The following NACC2 variants were observed in gnomAD, a reference collection of about 807,000 sequenced individuals.
NACC2 encodes nucleus accumbens-associated protein 2.
NACC2 carries 8 observed loss-of-function variants against 25.1 expected under a neutral mutation model. That is an observed-to-expected ratio of 0.32 (90% CI 0.19 to 0.57). The LOEUF (loss-of-function observed/expected upper bound fraction) is 0.57, where lower values mean the gene tolerates loss of function less well. Ranked by LOEUF, NACC2 falls within the 20% of genes least tolerant of loss-of-function variation. The pLI is 0.89. For synonymous variants in NACC2, 435 were observed against 294.7 expected (o/e 1.48, Z -4.88); for missense variants, 644 against 650.2 (o/e 0.99, Z 0.10).
Position 136,086,257 on chromosome 9 carries a change from G to A in NACC2, c.-60+8932C>T, listed in dbSNP as rs1005115819. On this transcript the variant is annotated intron_variant, in intron 1 of 5. Coordinates refer to ENST00000277554, the MANE Select transcript of NACC2 (RefSeq NM_144653.5). This position sits in a 1 kb window ranked among gnomAD's most constrained non-coding sequence, Gnocchi z 5.6. ...CTTCCTGTGAGAGAACCCTCACACC[G>A]TGCAGCTGGGGACAGGACGAAGGGC... Among the ~76,000 whole-genome samples the A allele has an allele frequency of 2.0e-5, 3 of 152,208 alleles. No individual in the cohort carries two copies. The highest frequency in any genetic ancestry group is 4.1e-4 in the South Asian group (2 of 4,826).
At chr9:136,069,838 G>T (rs888616842) in intron 1 of NACC2, among the ~76,000 whole-genome samples, 11 of 151,628 alleles carry the variant, frequency 7.3e-5, no homozygotes, top group Admixed American at 2.0e-4. Context: ...CAAACCAATA[G>T]AACTAAAGAC....
At chr9:136,040,527 CAT>C (rs1288997958) in intron 2 of NACC2, among the ~76,000 whole-genome samples, 4 of 152,100 alleles carry the variant, frequency 2.6e-5, no homozygotes, top group African/African-American at 9.7e-5. Flanking sequence ...ATGCAAAACA[CAT>C]GTCTGTAAAG....
In NACC2 at chr9:136,031,800, C is replaced by G. The variant is rs147574080; in HGVS notation, c.887-15371G>C. 8.2e-3 allele frequency among the ~76,000 whole-genome samples: 1,251 copies of G among 152,330 alleles called. 19 individuals carry two copies. The highest frequency in any genetic ancestry group is 0.029 in the African/African-American group (1,204 of 41,566). On this transcript the variant is annotated intron_variant, in intron 2 of 5. Coordinates refer to ENST00000277554, the MANE Select transcript of NACC2 (RefSeq NM_144653.5). ...AAGAAATGTATGATCTCATCCCATA[C>G]AGCTAGTGGCCACTCATGGAACCGA...
At chr9:136,037,790 T>C (rs915029870) in intron 2 of NACC2, among the ~76,000 whole-genome samples, 4 of 152,118 alleles carry the variant, frequency 2.6e-5, no homozygotes, top group Admixed American at 2.6e-4. Context: ...ATTACAGGCA[T>C]GAACTACTGT....
chr9:136,042,911 CACAGAGACAA>C (rs1840663883), intron 2 of NACC2, among the ~76,000 whole-genome samples: 1 of 149,892 alleles, frequency 6.7e-6, no homozygotes, highest in Non-Finnish European at 1.5e-5. Flanking sequence ...CACACAGAGA[CACAGAGACAA>C]ACAGACACAC....
At position 136,007,692 on chromosome 9, in the gene NACC2, T is replaced by C. The variant is rs1840045478; in HGVS notation, c.*3824A>G. 1 of 152,284 alleles carries C rather than the reference T, an allele frequency of 6.6e-6. No individual in the cohort carries two copies. The highest frequency in any genetic ancestry group is 2.4e-5 in the African/African-American group (1 of 41,468). The allele number at this position is 152,284 out of a possible 1,614,324, so 9.4% of individuals were successfully genotyped here. On this transcript the variant is annotated 3_prime_UTR_variant, in exon 6 of 6. Transcript: ENST00000277554. ...GAGCTCTGGATTCTGCGCTTAGGAC[T>C]CGCTGCTGGCAGAGGCAGACAGAGG...
intron 1 of NACC2, among the ~76,000 whole-genome samples, chr9:136,089,866 A>C (rs948045856): frequency 9.9e-5 from 15 of 151,994 alleles, no homozygotes; most frequent in African/African-American, 3.6e-4. Context: ...AAGTTAATGG[A>C]CATGACACAG....
chr9:136,053,481 G>C (rs1401401683), intron 1 of NACC2, among the ~76,000 whole-genome samples: 1 of 152,170 alleles, frequency 6.6e-6, no homozygotes, highest in South Asian at 2.1e-4. Flanking sequence ...AGGAGACACA[G>C]GGCCCAGCTG....
chr9:136,029,352 C>T (rs1435848726), intron 2 of NACC2, among the ~76,000 whole-genome samples: 1 of 152,202 alleles, frequency 6.6e-6, no homozygotes, highest in African/African-American at 2.4e-5. Context: ...GCTACCCACT[C>T]CAGGGTCTCC....
chr9:136,070,234 G>A (rs539935701), intron 1 of NACC2, among the ~76,000 whole-genome samples: 2 of 152,024 alleles, frequency 1.3e-5, no homozygotes, highest in Non-Finnish European at 1.5e-5. Context: ...CGGGCCGGGC[G>A]TGGTGGCTCA....
intron 2 of NACC2, among the ~76,000 whole-genome samples, chr9:136,038,679 A>C (rs1395180888): frequency 6.6e-6 from 1 of 152,226 alleles, no homozygotes; most frequent in East Asian, 1.9e-4. Flanking sequence ...CATATGCTAT[A>C]AGCCTGATGT....
At chr9:136,067,784 G>A (rs548081095) in intron 1 of NACC2, among the ~76,000 whole-genome samples, 14 of 152,338 alleles carry the variant, frequency 9.2e-5, no homozygotes, top group African/African-American at 2.4e-4. Context: ...GCGGTGAGCC[G>A]AGATCGCGGC....
chr9:136,019,027 G>GGT lies in NACC2; in HGVS notation c.887-2599_887-2598insAC, dbSNP rs1840245492. On this transcript the variant is annotated intron_variant, in intron 2 of 5. Coordinates refer to ENST00000277554, the MANE Select transcript of NACC2 (RefSeq NM_144653.5). This position sits in a 1 kb window ranked among gnomAD's most constrained non-coding sequence, Gnocchi z 5.2. Reference sequence around the variant, plus strand: ...AGCCAGAGACTGTCAGCACCAGAGCGGCCAAAAAAGCCTCTTCTATTTCTG... The same window carrying GGT: ...AGCCAGAGACTGTCAGCACCAGAGCGGTGCCAAAAAAGCCTCTTCTATTTCTG... The GGT allele has an allele frequency of 6.6e-6, 1 of 151,748 alleles. No individual in the cohort carries two copies. The highest frequency in any genetic ancestry group is 1.5e-5 in the Non-Finnish European group (1 of 67,950). 9.4% of individuals were successfully genotyped at this position (151,748 alleles called of 1,614,324 possible).
chr9:136,028,598 C>T (rs918794897), intron 2 of NACC2, among the ~76,000 whole-genome samples: 7 of 152,126 alleles, frequency 4.6e-5, no homozygotes, highest in East Asian at 1.9e-4. Context: ...CAGGGCTGCA[C>T]GCTCCATGGA....
chr9:136,054,542 G>A (rs898745214), intron 1 of NACC2, among the ~76,000 whole-genome samples: 1 of 152,166 alleles, frequency 6.6e-6, no homozygotes, highest in Admixed American at 6.5e-5. Flanking sequence ...ACACACGGGG[G>A]CTGACCCTCC....
intron 2 of NACC2, among the ~76,000 whole-genome samples, chr9:136,021,755 G>A (rs747240805): frequency 3.3e-5 from 5 of 152,192 alleles, no homozygotes; most frequent in Non-Finnish European, 5.9e-5. Flanking sequence ...TCCACATGAC[G>A]TGTTACCGCT....
intron 1 of NACC2, among the ~76,000 whole-genome samples, chr9:136,092,707 G>A (rs1830445426): frequency 6.6e-6 from 1 of 152,234 alleles, no homozygotes; most frequent in African/African-American, 2.4e-5. Flanking sequence ...GCAGAGTCAG[G>A]GGGCCCCATA....
chr9:136,010,518 C>T lies in NACC2; in HGVS notation c.*998G>A, dbSNP rs956541802. 1 of 152,228 alleles carries T rather than the reference C, an allele frequency of 6.6e-6. No individual in the cohort carries two copies. The highest frequency in any genetic ancestry group is 2.4e-5 in the African/African-American group (1 of 41,430). 9.4% of individuals were successfully genotyped at this position (152,228 alleles called of 1,614,324 possible). The stretch of plus-strand genomic sequence containing the variant: ...CCCTGGGCGGGGGAGCAGGGGGACG[C>T]ACCCTAACGGCCACAGATGACCCAC... On this transcript the variant is annotated 3_prime_UTR_variant, in exon 6 of 6. Coordinates refer to ENST00000277554, the MANE Select transcript of NACC2 (RefSeq NM_144653.5). The surrounding 1 kb of genome is among the most constrained non-coding windows in gnomAD (Gnocchi z 4.9).
At chr9:136,025,324 C>T (rs754866813) in intron 2 of NACC2, among the ~76,000 whole-genome samples, 69 of 152,136 alleles carry the variant, frequency 4.5e-4, no homozygotes, top group African/African-American at 1.5e-3. Context: ...TGTTTTCACA[C>T]GATGTCCGGC....
Sources: allele counts gnomAD v4.1 joint callset (sites outside exome capture counted in the v4.1 genomes callset), GRCh38; gene constraint gnomAD v4.1.1; non-coding constraint Gnocchi (gnomAD v3.1); transcripts MANE v1.5; gene names NCBI Gene and HGNC (gene_info 2026-07-23, HGNC 2026-07-21).